Variants in ARHGAP23 observed in about 807,000 individuals in gnomAD.
ARHGAP23 encodes rho GTPase-activating protein 23.
In ARHGAP23, 34 loss-of-function variants were observed where a neutral mutation model predicts 136.3. That is an observed-to-expected ratio of 0.25 (90% confidence interval 0.19 to 0.33). The LOEUF is 0.33. Among genes scored for constraint, ARHGAP23 ranks in the 10% least tolerant of loss-of-function variants. The probability of loss-of-function intolerance (pLI) is 1.00; values close to 1 mark genes in which losing one functional copy is unlikely to be tolerated. For synonymous variants in ARHGAP23, 832 were observed against 920.5 expected, an observed-to-expected ratio of 0.90 and a Z score of 1.74; for missense variants, 1,808 against 2,139.0, an observed-to-expected ratio of 0.85 and a Z score of 3.05.
upstream of ARHGAP23, among the ~76,000 whole-genome samples, chr17:38,424,244 T>C (rs544894351): frequency 3.3e-5 from 5 of 152,072 alleles, no homozygotes; most frequent in South Asian, 6.2e-4. Flanking sequence ...CCTCCTTGCG[T>C]CCCCTCCGGC....
At position 38,500,477 on chromosome 17, in the gene ARHGAP23, C is replaced by T. The variant is rs1255497697; in HGVS notation, c.3416-120C>T. ...TCATACTCCTAGGGCCTGGGGAGAT[C>T]TCATGTTTCAGAATTCCCTGGTTTC... On this transcript the variant is annotated intron_variant, in intron 22 of 23. Coordinates refer to ENST00000622683, the MANE Select transcript of ARHGAP23 (RefSeq NM_001199417.2). The T allele has an allele frequency of 1.8e-5, 16 of 867,962 alleles. No individual in the cohort carries two copies. In the Admixed American group the frequency reaches 2.1e-4, roughly 11 times the overall value. 53.8% of individuals were successfully genotyped at this position (867,962 alleles called of 1,614,324 possible). A position where few individuals can be genotyped will look rare whatever the true frequency, so the allele number is the denominator to read the frequency against.
At chr17:38,426,637 C>A (rs1003623068), upstream of ARHGAP23, among the ~76,000 whole-genome samples, 2 of 151,230 alleles carry the variant, frequency 1.3e-5, no homozygotes, top group Admixed American at 1.3e-4. Context: ...GAGGCTAATT[C>A]TGGCTGCACA....
chr17:38,447,417 G>A (rs1408709917), intron 1 of ARHGAP23, among the ~76,000 whole-genome samples: 1 of 128,088 alleles, frequency 7.8e-6, no homozygotes, highest in Non-Finnish European at 1.6e-5. Context: ...ACTCCAGCCT[G>A]GGCAACAGAG....
At chr17:38,474,270 T>C (rs34746875) in intron 11 of ARHGAP23, among the ~76,000 whole-genome samples, 8,209 of 152,262 alleles carry the variant, frequency 0.054, 318 homozygotes, top group South Asian at 0.18. Context: ...ACTGGGGTTA[T>C]GTCTGTGACA....
chr17:38,510,982 C>T lies in ARHGAP23; in HGVS notation c.*10C>T. 3 of 1,417,268 alleles carry T rather than the reference C, an allele frequency of 2.1e-6. No homozygotes were observed. Among genetic ancestry groups the T allele is most frequent in the Admixed American group, 6.9e-5 (2 of 28,966 alleles). The allele number at this position is 1,417,268 out of a possible 1,614,324, so 87.8% of individuals were successfully genotyped here. ...GCATCAGTGTCTGTGATCCCCACCT[C>T]CCGCGCCGCTCGGGCGCCACCCCTC... On this transcript the variant is annotated 3_prime_UTR_variant, in exon 24 of 24. Transcript: ENST00000622683. The surrounding 1 kb of genome is among the most constrained non-coding windows in gnomAD (Gnocchi z 4.6).
intron 14 of ARHGAP23, 127 bp downstream of exon 14, chr17:38,480,010 ATGTC>A: frequency 2.2e-6 from 3 of 1,351,870 alleles, no homozygotes; most frequent in Non-Finnish European, 3.0e-6. Flanking sequence ...GGCTACCGGT[ATGTC>A]TGTCTGCGTG....
At chr17:38,463,298 C>T in intron 5 of ARHGAP23, 30 bp from the exon 6 acceptor site, 1 of 1,551,686 alleles carries the variant, frequency 6.4e-7, no homozygotes, top group South Asian at 1.2e-5. Context: ...TGTTCCTTGA[C>T]CCAGCCTGAC....
At chr17:38,443,152 C>A (rs190329575) in intron 1 of ARHGAP23, among the ~76,000 whole-genome samples, 1 of 152,198 alleles carries the variant, frequency 6.6e-6, no homozygotes, top group Non-Finnish European at 1.5e-5. Flanking sequence ...TCTGTGTTAG[C>A]CTTCTTGATG....
chr17:38,469,547 T>C lies in ARHGAP23; in HGVS notation c.1828T>C (p.Ser610Pro). The C allele has an allele frequency of 1.9e-6, 3 of 1,548,434 alleles. No individual in the cohort carries two copies. Among genetic ancestry groups the C allele is most frequent in the Non-Finnish European group, 2.6e-6 (3 of 1,146,680 alleles). The stretch of plus-strand genomic sequence containing the variant: ...AGGCAGCATCAAGGCTGGCCGCCGC[T>C]CCTCCTACCTGCTGGCCATCACCAC... ...DCSSIKAGRR[S>P]SYLLAITTER... The change falls in exon 9 of 24, where the codon TCC becomes CCC. Residue 610 changes from serine (S) to proline (P), a missense_variant. Coordinates refer to ENST00000622683, the MANE Select transcript of ARHGAP23 (RefSeq NM_001199417.2).
intron 11 of ARHGAP23, among the ~76,000 whole-genome samples, chr17:38,472,970 T>C (rs2039797520): frequency 6.6e-6 from 1 of 152,196 alleles, no homozygotes; most frequent in African/African-American, 2.4e-5. Context: ...GGAGTCTCGC[T>C]CTGTTGCCCA....
intron 1 of ARHGAP23, among the ~76,000 whole-genome samples, chr17:38,440,723 G>A (rs903983771): frequency 3.9e-5 from 6 of 152,348 alleles, no homozygotes; most frequent in East Asian, 1.9e-4. Flanking sequence ...ACAAGTGGCC[G>A]GACAGGGGCC....
chr17:38,500,191 G>C (rs1187776158), intron 22 of ARHGAP23: 1 of 225,892 alleles, frequency 4.4e-6, no homozygotes, highest in African/African-American at 2.3e-5. Context: ...GAGCATCTGT[G>C]ATTTGCTGTG....
chr17:38,458,137 G>T lies in ARHGAP23; in HGVS notation c.99G>T (p.Arg33Ser), dbSNP rs935027184. 7.2e-6 allele frequency: 11 copies of T among 1,536,012 alleles called. No individual in the cohort carries two copies. The African/African-American group carries it at 1.2e-4, about 17-fold the overall frequency. Residue 33 changes from arginine (R) to serine (S), a missense_variant, in exon 2 of 24, where the codon AGG (arginine) becomes AGT (serine). Arg to Ser is a moderately radical substitution (Grantham distance 110). Around this residue, in one of 7 missense-constraint regions of ARHGAP23, gnomAD observed 859 missense variants for 936.4 expected, o/e 0.92. Transcript: ENST00000622683. Reference sequence around the variant, plus strand: ...GCCCAAGAGATGGGTGCTCTCCTAGGCGCCCCTTCCCCTGGCAGGGGCCGA... The same window carrying T: ...GCCCAAGAGATGGGTGCTCTCCTAGTCGCCCCTTCCCCTGGCAGGGGCCGA... ...PLGPRDGCSPRRPFPWQGPRT... is the reference protein window; with the variant it reads ...PLGPRDGCSPSRPFPWQGPRT...
At chr17:38,489,931 T>G in intron 17 of ARHGAP23, 171 bp from the exon 18 acceptor site, 1 of 646,880 alleles carries the variant, frequency 1.5e-6, no homozygotes, top group South Asian at 1.8e-5. Flanking sequence ...AGTGCAGCTG[T>G]GGTGAGTGCA....
At chr17:38,447,298 C>T (rs1016888256) in intron 1 of ARHGAP23, among the ~76,000 whole-genome samples, 8 of 151,398 alleles carry the variant, frequency 5.3e-5, no homozygotes, top group South Asian at 2.1e-4. Flanking sequence ...AAAATTTAGC[C>T]GGGCGTGGTG....
intron 1 of ARHGAP23, among the ~76,000 whole-genome samples, chr17:38,457,241 A>G (rs1260968159): frequency 6.6e-6 from 1 of 152,188 alleles, no homozygotes; most frequent in South Asian, 2.1e-4. Flanking sequence ...CTGGGATTAC[A>G]GGTGTGAGCC....
At chr17:38,457,989 G>A in intron 1 of ARHGAP23, 113 bp from the exon 2 acceptor site, 1 of 1,338,674 alleles carries the variant, frequency 7.5e-7, no homozygotes, top group Non-Finnish European at 1.0e-6. Context: ...GCAACCCTAG[G>A]GCGAAAGACC....
chr17:38,458,836 A>T (rs1357852753), intron 2 of ARHGAP23, among the ~76,000 whole-genome samples: 1 of 152,136 alleles, frequency 6.6e-6, no homozygotes. Flanking sequence ...ACTCATTGTG[A>T]ATTTGGGGCT....
chr17:38,506,038 G>C (rs1355636081), intron 23 of ARHGAP23, among the ~76,000 whole-genome samples: 1 of 152,204 alleles, frequency 6.6e-6, no homozygotes, highest in Non-Finnish European at 1.5e-5. Flanking sequence ...CCAACCCAGG[G>C]ACTCCAGTTA....
Sources: allele counts gnomAD v4.1 joint callset (sites outside exome capture counted in the v4.1 genomes callset), GRCh38; gene constraint gnomAD v4.1.1; regional missense constraint gnomAD v4.1.1; non-coding constraint Gnocchi (gnomAD v3.1); transcripts MANE v1.5; gene names NCBI Gene and HGNC (gene_info 2026-07-23, HGNC 2026-07-21).